Variants in CACNA1D observed in about 807,000 individuals in gnomAD.
The protein encoded by CACNA1D is calcium voltage-gated channel subunit alpha1 D, also known as voltage-dependent L-type calcium channel subunit alpha-1D.
In CACNA1D, 55 loss-of-function variants were observed where a neutral mutation model predicts 257.1. The ratio of observed to expected loss-of-function variants is 0.21; its 90% CI spans 0.17 to 0.27. The LOEUF is 0.27. CACNA1D is among the 10% of genes least tolerant of loss of function. The pLI is 1.00. For missense variants in CACNA1D, 1,876 were observed against 2,784.0 expected (o/e 0.67, Z 7.34); for synonymous variants, 980 against 1,014.9 (o/e 0.97, Z 0.65).
chr3:53,735,581 G>C, intron 20 of CACNA1D, 78 bp downstream of exon 20: 2 of 1,527,462 alleles, frequency 1.3e-6, no homozygotes, highest in East Asian at 2.3e-5. Context: ...GATGGGAGCT[G>C]TGGAGGCCCT....
At chr3:53,718,240 C>A in intron 9 of CACNA1D, 61 bp from the exon 10 acceptor site, 1 of 1,456,256 alleles carries the variant, frequency 6.9e-7, no homozygotes, top group Non-Finnish European at 9.6e-7. Context: ...TCCCACCTGG[C>A]CTGCCTCCCA....
chr3:53,775,739 AG>A (rs2095393739), intron 34 of CACNA1D, 146 bp from the exon 35 acceptor site: 1 of 822,754 alleles, frequency 1.2e-6, no homozygotes, highest in Non-Finnish European at 2.1e-6. Context: ...GAAAATCAGT[AG>A]GAATTTCACA....
intron 3 of CACNA1D, among the ~76,000 whole-genome samples, chr3:53,540,841 A>C (rs2092278851): frequency 6.6e-6 from 1 of 152,068 alleles, no homozygotes; most frequent in Non-Finnish European, 1.5e-5. Flanking sequence ...TCCTGGGTTC[A>C]AGCGATTCTC....
chr3:53,733,950 G>GTGTGTGTA (rs1553652586), intron 19 of CACNA1D, among the ~76,000 whole-genome samples: 4 of 144,108 alleles, frequency 2.8e-5, no homozygotes, highest in East Asian at 3.9e-4. Flanking sequence ...GTGTGTGTGT[G>GTGTGTGTA]TGTATGTATG....
chr3:53,582,401 G>A (rs544254552), intron 3 of CACNA1D, among the ~76,000 whole-genome samples: 3 of 152,266 alleles, frequency 2.0e-5, no homozygotes, highest in South Asian at 4.2e-4. Context: ...CCAGGAGAGC[G>A]GCAGAGCACA....
chr3:53,770,115 G>A (rs1255432167), intron 31 of CACNA1D, 98 bp downstream of exon 31: 2 of 1,035,180 alleles, frequency 1.9e-6, no homozygotes, highest in African/African-American at 1.6e-5. Flanking sequence ...CTCCATGATT[G>A]TCCTTCCAGA....
intron 30 of CACNA1D, among the ~76,000 whole-genome samples, chr3:53,769,698 G>A (rs1418108979): frequency 6.6e-6 from 1 of 152,212 alleles, no homozygotes; most frequent in African/African-American, 2.4e-5. Context: ...ATCTGTTGAG[G>A]TCTTGCAGCA....
intron 8 of CACNA1D, 148 bp from the exon 9 acceptor site, chr3:53,702,493 C>T: frequency 1.3e-6 from 1 of 750,554 alleles, no homozygotes; most frequent in Non-Finnish European, 2.3e-6. Flanking sequence ...CTGTCCTGTC[C>T]AAGTGTGTGG....
At chr3:53,678,976 T>C (rs1252322765) in intron 8 of CACNA1D, 1 of 151,824 alleles carries the variant, frequency 6.6e-6, no homozygotes, top group African/African-American at 2.4e-5. Flanking sequence ...AGATTAGATT[T>C]TTCTCTCATT....
chr3:53,771,805 A>G (rs977998120), intron 32 of CACNA1D, among the ~76,000 whole-genome samples: 1 of 152,238 alleles, frequency 6.6e-6, no homozygotes, highest in Admixed American at 6.5e-5. Context: ...AAAATCGTAA[A>G]CATTTGGCAA....
chr3:53,810,543 G>A (rs992244917), intron 47 of CACNA1D: 7 of 540,808 alleles, frequency 1.3e-5, no homozygotes, highest in Non-Finnish European at 2.3e-5. Flanking sequence ...GATCACCTGA[G>A]GTCAGCGGCT....
intron 3 of CACNA1D, among the ~76,000 whole-genome samples, chr3:53,639,107 C>G (rs1388089274): frequency 1.3e-5 from 2 of 152,176 alleles, no homozygotes; most frequent in Non-Finnish European, 2.9e-5. Context: ...AACTCAGTGC[C>G]TGTGAACCTC....
intron 3 of CACNA1D, among the ~76,000 whole-genome samples, chr3:53,602,975 G>A (rs561482762): frequency 6.6e-5 from 10 of 152,314 alleles, no homozygotes; most frequent in African/African-American, 2.4e-4. Context: ...TCCAGCGGAC[G>A]AAGTTGTCCC....
chr3:53,735,427 T>C lies in CACNA1D; in HGVS notation c.2675T>C (p.Ile892Thr). 6.2e-7 allele frequency: 1 copy of C among 1,613,936 alleles called. No individual in the cohort carries two copies. Among genetic ancestry groups the C allele is most frequent in the Non-Finnish European group, 8.5e-7 (1 of 1,179,786 alleles). ...AACCACCACATCTTCACCAACCTCA[T>C]CCTTGTCTTCATCATGCTGAGCAGC... Reference protein sequence around the residue: ...LINHHIFTNLILVFIMLSSAA... With the variant: ...LINHHIFTNLTLVFIMLSSAA... Residue 892 changes from isoleucine to threonine, a missense_variant, in exon 20 of 48, where the codon ATC (isoleucine) becomes ACC (threonine). Around this residue, in one of 10 missense-constraint regions of CACNA1D, gnomAD observed 271 missense variants for 425.5 expected, o/e 0.64. Coordinates refer to ENST00000350061, the MANE Select transcript of CACNA1D (RefSeq NM_001128840.3).
At chr3:53,535,823 T>A (rs888875645) in intron 3 of CACNA1D, among the ~76,000 whole-genome samples, 4 of 152,188 alleles carry the variant, frequency 2.6e-5, no homozygotes, top group Non-Finnish European at 5.9e-5. Flanking sequence ...TTTGGTCAAA[T>A]TTTTTAGGCT....
intron 3 of CACNA1D, among the ~76,000 whole-genome samples, chr3:53,582,602 G>A (rs929185528): frequency 1.3e-5 from 2 of 152,142 alleles, no homozygotes; most frequent in African/African-American, 4.8e-5. Context: ...AAGGGTCACA[G>A]GTGGATCCCT....
intron 3 of CACNA1D, among the ~76,000 whole-genome samples, chr3:53,559,978 TGAGGGATTGTCTGGGGGCTGGGGTGG>T (rs1559841266): frequency 7.0e-6 from 1 of 142,548 alleles, no homozygotes; most frequent in Non-Finnish European, 1.5e-5. Context: ...TTCTTGGTAC[TGAGGGATTGTCTGGGGGCTGGGGTGG>T]GAGGGATTGG....
intron 8 of CACNA1D, among the ~76,000 whole-genome samples, chr3:53,682,365 TAAAAAAAAAAAAAAAAA>T (rs3082718): frequency 4.2e-5 from 2 of 47,386 alleles, no homozygotes; most frequent in African/African-American, 9.2e-5. Flanking sequence ...TTGTCTCTGG[TAAAAAAAAAAAAAAAAA>T]AAAAAAAAAA....
chr3:53,679,269 T>TAAAAAAAAAAAAAAAA (rs1559504844), intron 8 of CACNA1D: 1 of 6,372 alleles, frequency 1.6e-4, no homozygotes, highest in African/African-American at 3.3e-4. Flanking sequence ...AAACTCCATC[T>TAAAAAAAAAAAAAAAA]CAAAAAAAAA....
Sources: gnomAD v4.1 joint callset for allele counts (sites outside exome capture counted in the v4.1 genomes callset) on GRCh38, gnomAD v4.1.1 for gene constraint, gnomAD v4.1.1 regional missense constraint, MANE v1.5 for transcripts, NCBI Gene and HGNC (gene_info 2026-07-23, HGNC 2026-07-21) for gene names.